The following NFYC variants were observed in gnomAD, a reference collection of about 807,000 sequenced individuals.
NFYC encodes the protein CAAT box DNA-binding protein subunit C.
NFYC carries 25 observed loss-of-function variants against 53.1 expected under a neutral mutation model. That is an observed-to-expected ratio of 0.47 (90% CI 0.34 to 0.66). NFYC has a LOEUF of 0.66. Among genes scored for constraint, NFYC ranks in the 30% least tolerant of loss-of-function variants. The pLI is 0.01. For synonymous variants in NFYC, 145 were observed against 152.6 expected (o/e 0.95, Z 0.37); for missense variants, 260 against 422.7 (o/e 0.62, Z 3.38).
chr1:40,745,989 A>G (rs1304754654), intron 2 of NFYC, among the ~76,000 whole-genome samples: 1 of 152,144 alleles, frequency 6.6e-6, no homozygotes, highest in African/African-American at 2.4e-5. Flanking sequence ...GATTACAGGC[A>G]TGAGCCACCA....
intron 1 of NFYC, among the ~76,000 whole-genome samples, chr1:40,737,390 G>T (rs553847952): frequency 6.7e-6 from 1 of 149,848 alleles, no homozygotes; most frequent in African/African-American, 2.5e-5. Context: ...GTGCAATGGC[G>T]TGATCTTGGC....
At chr1:40,716,786 A>G (rs904938753) in intron 1 of NFYC, among the ~76,000 whole-genome samples, 4 of 152,132 alleles carry the variant, frequency 2.6e-5, no homozygotes, top group Non-Finnish European at 4.4e-5. Context: ...GTCTGAACAG[A>G]GATAGTGGTA....
At chr1:40,755,448 ATACTTG>A (rs1646159471) in intron 5 of NFYC, among the ~76,000 whole-genome samples, 1 of 152,224 alleles carries the variant, frequency 6.6e-6, no homozygotes, top group Admixed American at 6.5e-5. Context: ...CTTCTCAAAG[ATACTTG>A]AGAGTTTCGC....
At position 40,691,735 on chromosome 1, in the gene NFYC, C is replaced by T. The variant is rs1297114729; in HGVS notation, c.-141C>T. On this transcript the variant is annotated 5_prime_UTR_variant, in exon 1 of 10. Transcript: ENST00000447388. ...GGCGTGGCCGCCATCTTGCTTGTGCCCCCGCTTCGCGCGCGCTCCGTTCTC... is the reference window on the plus strand; with the variant it reads ...GGCGTGGCCGCCATCTTGCTTGTGCTCCCGCTTCGCGCGCGCTCCGTTCTC... 20 of 455,440 alleles carry T rather than the reference C, an allele frequency of 4.4e-5. No homozygotes were observed. Among genetic ancestry groups the T allele is most frequent in the Admixed American group, 1.2e-4 (5 of 42,464 alleles). 28.2% of individuals were successfully genotyped at this position (455,440 alleles called of 1,614,324 possible).
At chr1:40,705,891 G>A (rs539407457) in intron 1 of NFYC, among the ~76,000 whole-genome samples, 4 of 152,166 alleles carry the variant, frequency 2.6e-5, no homozygotes, top group East Asian at 1.9e-4. Flanking sequence ...GACCACAGGC[G>A]TGTGCCACCA....
chr1:40,741,474 C>T (rs1452702887), intron 2 of NFYC, among the ~76,000 whole-genome samples: 6 of 152,114 alleles, frequency 3.9e-5, no homozygotes, highest in African/African-American at 1.4e-4. Flanking sequence ...TTAACAATAG[C>T]TTTATCAGGA....
intron 2 of NFYC, among the ~76,000 whole-genome samples, chr1:40,742,882 T>C (rs981991601): frequency 6.6e-6 from 1 of 152,212 alleles, no homozygotes; most frequent in African/African-American, 2.4e-5. Context: ...CTGCTGCCTG[T>C]GTAACATGAC....
chr1:40,718,383 C>T (rs1184750787), intron 1 of NFYC, among the ~76,000 whole-genome samples: 6 of 152,194 alleles, frequency 3.9e-5, no homozygotes, highest in Non-Finnish European at 7.3e-5. Flanking sequence ...CAGTCTATAG[C>T]TGTGTCCATC....
intron 2 of NFYC, among the ~76,000 whole-genome samples, chr1:40,742,792 AT>A (rs1177012528): frequency 2.6e-5 from 4 of 152,074 alleles, no homozygotes; most frequent in Non-Finnish European, 5.9e-5. Context: ...AGTCAGGGTA[AT>A]TTTTTTCCCT....
chr1:40,759,306 A>G (rs1646408024), intron 6 of NFYC, among the ~76,000 whole-genome samples: 1 of 151,704 alleles, frequency 6.6e-6, no homozygotes, highest in Non-Finnish European at 1.5e-5. Flanking sequence ...AGGCCGAGGC[A>G]GGAGGATTGC....
At chr1:40,744,395 AGATTGAGAAT>A (rs1189728397) in intron 2 of NFYC, among the ~76,000 whole-genome samples, 1 of 152,206 alleles carries the variant, frequency 6.6e-6, no homozygotes, top group African/African-American at 2.4e-5. Context: ...TGCAGCCCCA[AGATTGAGAAT>A]CATTGATTTC....
chr1:40,717,357 A>C (rs1284243488), intron 1 of NFYC, among the ~76,000 whole-genome samples: 1 of 152,188 alleles, frequency 6.6e-6, no homozygotes, highest in Non-Finnish European at 1.5e-5. Flanking sequence ...TCTTTATTCC[A>C]AAAAGTTACT....
intron 1 of NFYC, among the ~76,000 whole-genome samples, chr1:40,714,087 G>T (rs780743404): frequency 1.1e-4 from 17 of 152,050 alleles, no homozygotes; most frequent in Non-Finnish European, 1.9e-4. Flanking sequence ...AGGAATTTAG[G>T]GTATACAAAC....
intron 6 of NFYC, among the ~76,000 whole-genome samples, chr1:40,761,958 G>A (rs2148766394): frequency 6.7e-6 from 1 of 149,890 alleles, no homozygotes; most frequent in East Asian, 2.0e-4. Flanking sequence ...CACCAGATGA[G>A]CCCAGATAGG....
chr1:40,732,478 G>C (rs1371058937), intron 1 of NFYC, among the ~76,000 whole-genome samples: 1 of 152,164 alleles, frequency 6.6e-6, no homozygotes, highest in Non-Finnish European at 1.5e-5. Context: ...GGGATGTTTT[G>C]AAAACTTCTG....
chr1:40,754,208 A>G, intron 5 of NFYC: 1 of 510,594 alleles, frequency 2.0e-6, no homozygotes, highest in South Asian at 1.5e-5. Flanking sequence ...AGCCTGTATT[A>G]ATAACCAGTC....
chr1:40,766,671 C>T lies in NFYC; in HGVS notation c.796C>T (p.Gln266Ter). Residue 266 changes from glutamine (Q) to a stop codon, truncating the protein, a stop_gained, in exon 8 of 10, where the codon CAG becomes TAG. Transcript: ENST00000447388. LOFTEE classifies it high-confidence loss of function. ...PVSGTQVVQG[Q>*]IQTLATNAQQ... Reference sequence around the variant, plus strand: ...ATCAGGCACTCAAGTTGTGCAGGGACAGATCCAGACACTTGCCACCAATGC... The same window carrying T: ...ATCAGGCACTCAAGTTGTGCAGGGATAGATCCAGACACTTGCCACCAATGC... The T allele has an allele frequency of 6.2e-7, 1 of 1,614,140 alleles. No individual in the cohort carries two copies. Among genetic ancestry groups the T allele is most frequent in the Non-Finnish European group, 8.5e-7 (1 of 1,180,020 alleles).
At chr1:40,704,509 G>GAGA (rs1170036886) in intron 1 of NFYC, among the ~76,000 whole-genome samples, 1 of 152,206 alleles carries the variant, frequency 6.6e-6, no homozygotes, top group Non-Finnish European at 1.5e-5. Flanking sequence ...ACAGGTAGAA[G>GAGA]AGAAAGCTAT....
intron 2 of NFYC, 65 bp from the exon 3 acceptor site, chr1:40,747,469 C>G: frequency 1.8e-6 from 2 of 1,105,700 alleles, no homozygotes; most frequent in Non-Finnish European, 2.8e-6. Context: ...TTCCTACTGC[C>G]TGTCATGCTT....
Sources: allele counts gnomAD v4.1 joint callset (sites outside exome capture counted in the v4.1 genomes callset), GRCh38; gene constraint gnomAD v4.1.1; transcripts MANE v1.5; gene names NCBI Gene and HGNC (gene_info 2026-07-23, HGNC 2026-07-21).